The following PPP4R1 variants were observed in gnomAD, a reference collection of about 807,000 sequenced individuals.
The protein encoded by PPP4R1 is serine/threonine-protein phosphatase 4 regulatory subunit 1.
Under a neutral mutation model 111.2 loss-of-function variants are expected in PPP4R1, and 42 were observed. The ratio of observed to expected loss-of-function variants is 0.38; its 90% CI spans 0.29 to 0.49. The LOEUF (loss-of-function observed/expected upper bound fraction) is 0.49, where lower values mean the gene tolerates loss of function less well. Among genes scored for constraint, PPP4R1 ranks in the 20% least tolerant of loss-of-function variants. The pLI is 0.97. For synonymous variants in PPP4R1, 409 were observed against 405.5 expected, an observed-to-expected ratio of 1.01 and a Z score of -0.10; for missense variants, 1,012 against 1,161.6, an observed-to-expected ratio of 0.87 and a Z score of 1.87.
intron 11 of PPP4R1, chr18:9,563,849 G>A (rs932708249): frequency 4.8e-6 from 1 of 210,080 alleles, no homozygotes; most frequent in Non-Finnish European, 9.4e-6. Context: ...TTATTAAAAG[G>A]AGTCAATTTC....
chr18:9,576,367 A>G (rs1482562169), intron 10 of PPP4R1, among the ~76,000 whole-genome samples: 3 of 152,214 alleles, frequency 2.0e-5, no homozygotes, highest in Admixed American at 1.3e-4. Context: ...CTAGTAAGTT[A>G]GGCTTGAATT....
chr18:9,613,124 G>A (rs2067611277), intron 2 of PPP4R1, among the ~76,000 whole-genome samples: 1 of 152,174 alleles, frequency 6.6e-6, no homozygotes, highest in Non-Finnish European at 1.5e-5. Flanking sequence ...CATCCGGTAG[G>A]CTTTCCACTA....
intron 2 of PPP4R1, chr18:9,612,726 T>C (rs1167928044): frequency 6.6e-6 from 1 of 152,328 alleles, no homozygotes; most frequent in South Asian, 2.1e-4. Context: ...AACAGATGCC[T>C]TAAATAATAT....
At chr18:9,579,933 C>G (rs1405415897) in intron 9 of PPP4R1, among the ~76,000 whole-genome samples, 2 of 152,092 alleles carry the variant, frequency 1.3e-5, no homozygotes, top group African/African-American at 2.4e-5. Flanking sequence ...AGCTGTATAT[C>G]TCTAAAATGA....
Position 9,550,407 on chromosome 18 carries a change from AG to A in PPP4R1, c.2292-10del, listed in dbSNP as rs1367935338. The A allele has an allele frequency of 2.5e-6, 4 of 1,572,460 alleles. No individual in the cohort carries two copies. Among genetic ancestry groups the A allele is most frequent in the Non-Finnish European group, 3.5e-6 (4 of 1,157,670 alleles). ...GAAGTAAAATCAGCTGTCTACAAAA[AG>A]GAATTACAAAAAGACAATGTTTAAA... is the stretch of plus-strand genomic sequence containing the variant. On this transcript the variant is annotated splice_polypyrimidine_tract_variant and intron_variant, in intron 16 of 19. Coordinates refer to ENST00000400556, the MANE Select transcript of PPP4R1 (RefSeq NM_001042388.3).
chr18:9,611,874 G>T (rs1869739), intron 2 of PPP4R1, among the ~76,000 whole-genome samples: 23,622 of 151,574 alleles, frequency 0.16, 2,447 homozygotes, highest in African/African-American at 0.3. Flanking sequence ...AGCCAGGCGT[G>T]GTGGCACACG....
chr18:9,607,783 CTTTTTTTTTT>C (rs59033925), intron 2 of PPP4R1, among the ~76,000 whole-genome samples: 5 of 125,378 alleles, frequency 4.0e-5, no homozygotes, highest in Admixed American at 2.4e-4. Context: ...TTCTTTCTTT[CTTTTTTTTTT>C]TTTTTTTTTG....
intron 10 of PPP4R1, among the ~76,000 whole-genome samples, chr18:9,573,041 T>A (rs2066885403): frequency 6.6e-6 from 1 of 152,238 alleles, no homozygotes; most frequent in South Asian, 2.1e-4. Context: ...TTGGCCTAGA[T>A]AACCTGTAAG....
chr18:9,583,058 G>T, intron 9 of PPP4R1, 59 bp downstream of exon 9: 1 of 1,403,626 alleles, frequency 7.1e-7, no homozygotes, highest in Non-Finnish European at 9.6e-7. Flanking sequence ...TCAAAATTAT[G>T]TTTGCTTTAA....
chr18:9,569,012 T>G (rs1234189646), intron 11 of PPP4R1, among the ~76,000 whole-genome samples: 6 of 150,178 alleles, frequency 4.0e-5, no homozygotes, highest in Non-Finnish European at 3.0e-5. Flanking sequence ...TCCAGCCTGG[T>G]GACAGAGTGA....
intron 6 of PPP4R1, among the ~76,000 whole-genome samples, chr18:9,585,146 T>C (rs570331913): frequency 2.9e-4 from 44 of 152,286 alleles, no homozygotes; most frequent in African/African-American, 1.0e-3. Flanking sequence ...TTTTGCCTGG[T>C]AATTTTAAAA....
rs977752184 is a variant in PPP4R1 at position 9,547,633 on chromosome 18, C to T, written c.*156G>A. 5.4e-6 allele frequency: 4 copies of T among 736,576 alleles called. No individual in the cohort carries two copies. The highest frequency in any genetic ancestry group is 3.5e-5 in the African/African-American group (2 of 57,118). 45.6% of individuals were successfully genotyped at this position (736,576 alleles called of 1,614,324 possible). On this transcript the variant is annotated 3_prime_UTR_variant, in exon 20 of 20. Transcript: ENST00000400556. ...GTACTTTCTCTTGACTCTTGAAATC[C>T]CTGGTATTGGGTGTAGGCAACTTGC...
At chr18:9,590,365 G>C (rs1037912375) in intron 4 of PPP4R1, among the ~76,000 whole-genome samples, 5 of 152,116 alleles carry the variant, frequency 3.3e-5, no homozygotes, top group African/African-American at 1.2e-4. Flanking sequence ...ACAAAATAGA[G>C]TGTTTCTGTT....
At chr18:9,569,046 A>T (rs1365028406) in intron 11 of PPP4R1, among the ~76,000 whole-genome samples, 1 of 151,876 alleles carries the variant, frequency 6.6e-6, no homozygotes, top group Non-Finnish European at 1.5e-5. Context: ...AAAAAAAAAA[A>T]GTAGCTGGGT....
At chr18:9,593,718 A>C (rs1277758707) in intron 4 of PPP4R1, 50 bp downstream of exon 4, 1 of 1,503,674 alleles carries the variant, frequency 6.7e-7, no homozygotes, top group Non-Finnish European at 9.2e-7. Flanking sequence ...CACAAATTTG[A>C]TCAAAGAAGC....
At chr18:9,590,727 C>T (rs1274795511) in intron 4 of PPP4R1, among the ~76,000 whole-genome samples, 1 of 151,834 alleles carries the variant, frequency 6.6e-6, no homozygotes, top group Admixed American at 6.6e-5. Flanking sequence ...CTTTGTATCA[C>T]GCACATGAAT....
At chr18:9,603,073 ATC>A (rs1471359886) in intron 2 of PPP4R1, among the ~76,000 whole-genome samples, 3 of 152,230 alleles carry the variant, frequency 2.0e-5, no homozygotes, top group Non-Finnish European at 4.4e-5. Context: ...GATACAGAAT[ATC>A]TGTGTGTGGT....
At chr18:9,567,110 T>C (rs2066780635) in intron 11 of PPP4R1, among the ~76,000 whole-genome samples, 1 of 152,174 alleles carries the variant, frequency 6.6e-6, no homozygotes, top group Non-Finnish European at 1.5e-5. Context: ...ACTGAAAACC[T>C]TCTGGAAAGG....
intron 2 of PPP4R1, among the ~76,000 whole-genome samples, chr18:9,607,443 G>C (rs944110837): frequency 1.3e-5 from 2 of 151,816 alleles, no homozygotes; most frequent in Non-Finnish European, 2.9e-5. Context: ...ATCTGCCTTT[G>C]TATATGTCTT....
Sources: allele counts gnomAD v4.1 joint callset (sites outside exome capture counted in the v4.1 genomes callset), GRCh38; gene constraint gnomAD v4.1.1; transcripts MANE v1.5; gene names NCBI Gene and HGNC (gene_info 2026-07-23, HGNC 2026-07-21).